GATM: variants seen among roughly 807,000 people sequenced by gnomAD.
GATM encodes the protein glycine amidinotransferase, mitochondrial.
A neutral mutation model predicts 54.2 loss-of-function variants in GATM; 23 were observed. That is an observed-to-expected ratio of 0.42 (90% confidence interval 0.31 to 0.60). The LOEUF (loss-of-function observed/expected upper bound fraction) is 0.60. Among genes scored for constraint, GATM ranks in the 20% least tolerant of loss-of-function variants. GATM has a pLI of 0.14. For missense variants in GATM, 401 were observed against 544.9 expected (o/e 0.74, Z 2.63); for synonymous variants, 168 against 183.1 (o/e 0.92, Z 0.67).
chr15:45,369,580 G>T, intron 2 of GATM, 59 bp from the exon 3 acceptor site: 3 of 1,452,586 alleles, frequency 2.1e-6, no homozygotes, highest in Non-Finnish European at 1.9e-6. Flanking sequence ...CTCATGATAG[G>T]TTCATAGGCA....
upstream of GATM, chr15:45,378,606 G>T: frequency 1.9e-6 from 1 of 535,398 alleles, no homozygotes; most frequent in Non-Finnish European, 3.1e-6. Context: ...GCCCCCCGCG[G>T]CCCCATTGGC....
At chr15:45,378,345 G>A in intron 1 of GATM, 40 bp downstream of exon 1, 4 of 1,470,970 alleles carry the variant, frequency 2.7e-6, no homozygotes, top group Non-Finnish European at 3.6e-6. Context: ...AGGATCGAGT[G>A]AGTCACGCGG....
At chr15:45,372,157 G>A (rs1595484494) in intron 2 of GATM, among the ~76,000 whole-genome samples, 1 of 152,206 alleles carries the variant, frequency 6.6e-6, no homozygotes, top group Admixed American at 6.5e-5. Flanking sequence ...TTACAGGAAC[G>A]CAGGCACATT....
At chr15:45,401,491 C>T (rs1270838535) in intron 1 of GATM, among the ~76,000 whole-genome samples, 4 of 151,498 alleles carry the variant, frequency 2.6e-5, no homozygotes, top group African/African-American at 9.7e-5. Flanking sequence ...TTTTTAACGG[C>T]AATTAAGAGG....
At chr15:45,366,563 C>T (rs2140642079) in intron 4 of GATM, 55 bp from the exon 5 acceptor site, 1 of 1,593,636 alleles carries the variant, frequency 6.3e-7, no homozygotes. Flanking sequence ...GAAAATTATT[C>T]ATAAGGCATA....
At chr15:45,373,588 A>C (rs1889581422) in intron 2 of GATM, among the ~76,000 whole-genome samples, 1 of 152,072 alleles carries the variant, frequency 6.6e-6, no homozygotes. Flanking sequence ...AGCTTTAAAA[A>C]ATTATGCTTC....
At chr15:45,363,611 A>G in intron 8 of GATM, 1 of 515,276 alleles carries the variant, frequency 1.9e-6, no homozygotes, top group Non-Finnish European at 3.4e-6. Flanking sequence ...TCACCTGCAA[A>G]GGGGTGGTTT....
chr15:45,393,552 C>T (rs554781075), intron 3 of GATM, among the ~76,000 whole-genome samples: 2 of 152,190 alleles, frequency 1.3e-5, no homozygotes, highest in South Asian at 4.2e-4. Flanking sequence ...ACATTACATG[C>T]CAATAGAGCT....
exon 1 of GATM, chr15:45,402,208 C>G: frequency 1.6e-6 from 1 of 609,812 alleles, no homozygotes; most frequent in South Asian, 2.5e-5. Flanking sequence ...CTGGGTTAGG[C>G]AACTCGATTT....
At chr15:45,385,772 AG>A (rs1889797296) in intron 3 of GATM, among the ~76,000 whole-genome samples, 1 of 152,208 alleles carries the variant, frequency 6.6e-6, no homozygotes, top group South Asian at 2.1e-4. Flanking sequence ...TCTTATCACC[AG>A]AGACTTGGAA....
chr15:45,399,873 TGG>T (rs530437001), intron 1 of GATM, among the ~76,000 whole-genome samples: 3,458 of 152,322 alleles, frequency 0.023, 147 homozygotes, highest in African/African-American at 0.079. Context: ...AACAAATTTC[TGG>T]TCAGATTAAA....
At chr15:45,392,288 T>G (rs1889881265) in intron 3 of GATM, among the ~76,000 whole-genome samples, 1 of 152,304 alleles carries the variant, frequency 6.6e-6, no homozygotes, top group Admixed American at 6.5e-5. Flanking sequence ...GAAGGTACTT[T>G]CCGTATCTGG....
At chr15:45,382,036 A>C (rs1889747356), upstream of GATM, among the ~76,000 whole-genome samples, 1 of 152,216 alleles carries the variant, frequency 6.6e-6, no homozygotes, top group African/African-American at 2.4e-5. Flanking sequence ...TAATAAACAA[A>C]AAACATATTT....
chr15:45,394,535 C>A lies in GATM; in HGVS notation c.-319+2387G>T, dbSNP rs754553211. 2.0e-5 allele frequency among the ~76,000 whole-genome samples: 3 copies of A among 152,146 alleles called. No homozygotes were observed. In the South Asian group the frequency reaches 6.2e-4, roughly 32 times the overall value. On this transcript the variant is annotated intron_variant, in intron 3 of 4. Coordinates refer to the GATM transcript ENST00000561148. Reference sequence around the variant, plus strand: ...GAAGAATTGTTGAATTCTATCTGGGCGTAGTGTGTTTGCCAAAACTTCATT... The same window carrying A: ...GAAGAATTGTTGAATTCTATCTGGGAGTAGTGTGTTTGCCAAAACTTCATT...
intron 3 of GATM, among the ~76,000 whole-genome samples, chr15:45,390,218 A>G (rs1889855841): frequency 6.6e-6 from 1 of 152,202 alleles, no homozygotes; most frequent in Admixed American, 6.5e-5. Context: ...TCACATGCTG[A>G]GCAAGGACTT....
intron 3 of GATM, among the ~76,000 whole-genome samples, chr15:45,395,128 T>C (rs1409011405): frequency 1.3e-5 from 2 of 152,198 alleles, no homozygotes; most frequent in East Asian, 1.9e-4. Flanking sequence ...AGAGGAAACT[T>C]TGATGAAATG....
intron 7 of GATM, chr15:45,364,305 G>A (rs1889412419): frequency 2.4e-6 from 1 of 408,236 alleles, no homozygotes; most frequent in Non-Finnish European, 4.5e-6. Flanking sequence ...TTGAGCCTAG[G>A]AGTTTGAGAC....
chr15:45,372,273 T>C (rs1043323726), intron 2 of GATM, among the ~76,000 whole-genome samples: 2 of 152,220 alleles, frequency 1.3e-5, no homozygotes, highest in African/African-American at 2.4e-5. Context: ...AAATTACTTA[T>C]TATCTGGTAG....
At chr15:45,377,302 G>A in intron 1 of GATM, 1 of 450,450 alleles carries the variant, frequency 2.2e-6, no homozygotes, top group Non-Finnish European at 4.4e-6. Flanking sequence ...ATGAAAAGTT[G>A]GGAACATTTG....
Sources: allele counts gnomAD v4.1 joint callset (sites outside exome capture counted in the v4.1 genomes callset), GRCh38; gene constraint gnomAD v4.1.1; transcripts MANE v1.5; gene names NCBI Gene and HGNC (gene_info 2026-07-23, HGNC 2026-07-21).